GSK3B: variants seen among roughly 807,000 people sequenced by gnomAD.
GSK3B encodes glycogen synthase kinase 3 beta, also known as glycogen synthase kinase-3 beta.
A neutral mutation model predicts 56.4 loss-of-function variants in GSK3B; 15 were observed. The observed-to-expected ratio is 0.27, with a 90% CI of 0.18 to 0.41. The LOEUF (loss-of-function observed/expected upper bound fraction) is 0.41, where lower values mean the gene tolerates loss of function less well. GSK3B is among the 10% of genes least tolerant of loss of function. The pLI is 1.00. For missense variants in GSK3B, 300 were observed against 513.4 expected (o/e 0.58, Z 4.02); for synonymous variants, 181 against 188.9 (o/e 0.96, Z 0.34).
intron 1 of GSK3B, among the ~76,000 whole-genome samples, chr3:120,040,747 A>T (rs1343843825): frequency 6.6e-6 from 1 of 151,984 alleles, no homozygotes; most frequent in Non-Finnish European, 1.5e-5. Flanking sequence ...AGGTTAGAAA[A>T]GCCAGTTCCC....
chr3:120,010,561 TTC>T (rs1193154444), intron 1 of GSK3B, among the ~76,000 whole-genome samples: 2 of 152,190 alleles, frequency 1.3e-5, no homozygotes, highest in South Asian at 2.1e-4. Context: ...AAAAAAAGAT[TTC>T]GAGGACTCTG....
intron 2 of GSK3B, among the ~76,000 whole-genome samples, chr3:119,967,834 T>TCTCTC (rs2057332683): frequency 8.4e-6 from 1 of 118,922 alleles, no homozygotes; most frequent in African/African-American, 3.4e-5. Flanking sequence ...CTCTTTCTCT[T>TCTCTC]TCTCTCTCTC....
At chr3:119,967,899 A>C (rs900019478) in intron 2 of GSK3B, among the ~76,000 whole-genome samples, 3 of 144,570 alleles carry the variant, frequency 2.1e-5, no homozygotes, top group Non-Finnish European at 4.5e-5. Flanking sequence ...GCTCTCACCC[A>C]GGCTGGAGTG....
chr3:120,056,293 A>T (rs528357035), intron 1 of GSK3B, among the ~76,000 whole-genome samples: 2 of 152,282 alleles, frequency 1.3e-5, no homozygotes, highest in Admixed American at 6.5e-5. Flanking sequence ...GAGGTTCTCA[A>T]CAGTTTCGTT....
intron 7 of GSK3B, among the ~76,000 whole-genome samples, chr3:119,897,908 C>A (rs919973619): frequency 6.6e-6 from 1 of 151,412 alleles, no homozygotes; most frequent in East Asian, 1.9e-4. Flanking sequence ...TAGGACAGGA[C>A]AGGGATAATT....
intron 7 of GSK3B, among the ~76,000 whole-genome samples, chr3:119,885,277 T>TAAAATAAAATAAAAC (rs1214049320): frequency 6.6e-6 from 1 of 150,982 alleles, no homozygotes; most frequent in African/African-American, 2.4e-5. Flanking sequence ...TAAAATAAAA[T>TAAAATAAAATAAAAC]AAAATAAAAT....
chr3:119,961,559 C>G (rs1293486884), intron 2 of GSK3B, among the ~76,000 whole-genome samples: 1 of 148,234 alleles, frequency 6.7e-6, no homozygotes, highest in Non-Finnish European at 1.5e-5. Flanking sequence ...ACCCAAAAGG[C>G]AGAAGTTGCA....
At chr3:119,971,498 T>C (rs2107515669) in intron 2 of GSK3B, among the ~76,000 whole-genome samples, 1 of 152,152 alleles carries the variant, frequency 6.6e-6, no homozygotes, top group Admixed American at 6.5e-5. Context: ...AGAATTTCAT[T>C]ATAGCTTCCA....
chr3:120,046,988 A>G (rs576426430), intron 1 of GSK3B, among the ~76,000 whole-genome samples: 1 of 152,326 alleles, frequency 6.6e-6, no homozygotes, highest in East Asian at 1.9e-4. Flanking sequence ...TGAGAGAGCT[A>G]AATTTGACAG....
intron 2 of GSK3B, among the ~76,000 whole-genome samples, chr3:119,964,608 G>C (rs1291328476): frequency 6.6e-6 from 1 of 152,190 alleles, no homozygotes; most frequent in Non-Finnish European, 1.5e-5. Flanking sequence ...AGGGGAGGAA[G>C]ATATGGAGAG....
At chr3:120,082,690 G>A (rs530680317) in intron 1 of GSK3B, among the ~76,000 whole-genome samples, 31 of 151,834 alleles carry the variant, frequency 2.0e-4, no homozygotes, top group South Asian at 1.0e-3. Flanking sequence ...CACCGCGCCC[G>A]GCCCCCAAAT....
At chr3:119,928,715 A>G (rs2056913690) in intron 3 of GSK3B, among the ~76,000 whole-genome samples, 1 of 151,662 alleles carries the variant, frequency 6.6e-6, no homozygotes, top group South Asian at 2.1e-4. Context: ...TATATAGCAT[A>G]GTAATTAAGA....
chr3:120,050,651 A>T (rs1193947258), intron 1 of GSK3B, among the ~76,000 whole-genome samples: 1 of 152,136 alleles, frequency 6.6e-6, no homozygotes, highest in Non-Finnish European at 1.5e-5. Flanking sequence ...GAAGAAGAAG[A>T]ATATAGAGGT....
rs2055411025 is a variant in GSK3B at position 119,821,679 on chromosome 3, GTT to G, written c.*5107_*5108del. 6.5e-6 allele frequency: 1 copy of G among 152,890 alleles called. No individual in the cohort carries two copies. The highest frequency in any genetic ancestry group is 2.4e-5 in the African/African-American group (1 of 41,476). The allele number at this position is 152,890 out of a possible 1,614,324, so 9.5% of individuals were successfully genotyped here. On this transcript the variant is annotated 3_prime_UTR_variant, in exon 11 of 11. Transcript: ENST00000264235. ...TTTAAAAACTGTCCCTTTCAGAGTTGTTTTCTTTCTTTTCTAAGCAGTGTCTG... is the reference window on the plus strand; with the variant it reads ...TTTAAAAACTGTCCCTTTCAGAGTTGTTCTTTCTTTTCTAAGCAGTGTCTG...
At chr3:120,033,724 G>T (rs1046519645) in intron 1 of GSK3B, among the ~76,000 whole-genome samples, 1 of 152,104 alleles carries the variant, frequency 6.6e-6, no homozygotes, top group Non-Finnish European at 1.5e-5. Context: ...TCTTGTGATA[G>T]TGAGTTCTCA....
At chr3:120,044,319 C>T (rs1187534066) in intron 1 of GSK3B, among the ~76,000 whole-genome samples, 1 of 152,136 alleles carries the variant, frequency 6.6e-6, no homozygotes, top group African/African-American at 2.4e-5. Context: ...TGAGCTTAGG[C>T]CCTTCCAAGA....
chr3:119,905,678 T>C, intron 7 of GSK3B, 77 bp downstream of exon 7: 1 of 828,582 alleles, frequency 1.2e-6, no homozygotes, highest in Non-Finnish European at 2.1e-6. Context: ...TTCTCGTATG[T>C]GTACATGTGT....
chr3:119,882,788 C>A (rs2056394104), intron 7 of GSK3B, among the ~76,000 whole-genome samples: 1 of 152,064 alleles, frequency 6.6e-6, no homozygotes, highest in Non-Finnish European at 1.5e-5. Context: ...TACACTTTTA[C>A]CATCAGTTTT....
chr3:119,976,838 C>CAA (rs1219517458), intron 2 of GSK3B, among the ~76,000 whole-genome samples: 2 of 148,350 alleles, frequency 1.3e-5, no homozygotes, highest in African/African-American at 4.9e-5. Context: ...TCCTGATATT[C>CAA]AATACTGCTT....
Sources: gnomAD v4.1 joint callset for allele counts (sites outside exome capture counted in the v4.1 genomes callset) on GRCh38, gnomAD v4.1.1 for gene constraint, MANE v1.5 for transcripts, NCBI Gene and HGNC (gene_info 2026-07-23, HGNC 2026-07-21) for gene names.